Variants in CYREN observed in about 807,000 individuals in gnomAD.
CYREN encodes the protein cell cycle regulator of non-homologous end joining.
CYREN carries 7 observed loss-of-function variants against 9.7 expected under a neutral mutation model. The observed-to-expected ratio is 0.72, with a 90% CI of 0.41 to 1.36. CYREN has a LOEUF of 1.36. Ranked by LOEUF, CYREN falls within the 40% of genes most tolerant of loss-of-function variation. The pLI is 0.01. For synonymous variants in CYREN, 76 were observed against 77.9 expected, an observed-to-expected ratio of 0.98 and a Z score of 0.13; for missense variants, 215 against 198.1, an observed-to-expected ratio of 1.09 and a Z score of -0.51.
intron 2 of CYREN, chr7:135,148,396 G>A (rs1829592970): frequency 3.2e-6 from 1 of 311,524 alleles, no homozygotes; most frequent in Non-Finnish European, 6.2e-6. Context: ...TGGTTGTTCA[G>A]TATCTGTGAC....
chr7:135,165,496 C>T (rs1830074673), downstream of CYREN: 1 of 169,924 alleles, frequency 5.9e-6, no homozygotes, highest in Non-Finnish European at 1.4e-5. Flanking sequence ...GAGTGGGCCG[C>T]CATAAGCCAT....
At chr7:135,164,599 G>C (rs376965612), downstream of CYREN, 5 of 1,614,134 alleles carry the variant, frequency 3.1e-6, no homozygotes, top group Non-Finnish European at 4.2e-6. Context: ...TATAACTTCT[G>C]CCTGTGGAAT....
upstream of CYREN, among the ~76,000 whole-genome samples, chr7:135,171,535 CCT>C (rs77570651): frequency 0.48 from 73,023 of 151,850 alleles, 17,841 homozygotes; most frequent in South Asian, 0.65. Flanking sequence ...GCATGCAGCC[CCT>C]GTCACGTACC....
chr7:135,144,596 C>CA (rs969730324), intron 2 of CYREN, among the ~76,000 whole-genome samples: 10 of 150,056 alleles, frequency 6.7e-5, no homozygotes, highest in African/African-American at 2.0e-4. Flanking sequence ...GGAGTAAAAA[C>CA]AAAAAAAAGA....
At chr7:135,106,670 T>C (rs567778170) in intron 2 of CYREN, among the ~76,000 whole-genome samples, 3 of 152,266 alleles carry the variant, frequency 2.0e-5, no homozygotes, top group Non-Finnish European at 2.9e-5. Flanking sequence ...TGGCCTGAAG[T>C]TTTCTTTTAT....
In CYREN at chr7:135,109,730, C is replaced by T. The variant is rs576824852; in HGVS notation, n.357-15148G>A. Among the ~76,000 whole-genome samples the T allele has an allele frequency of 3.9e-5, 6 of 152,304 alleles. No individual in the cohort carries two copies. The South Asian group carries it at 1.0e-3, about 26-fold the overall frequency. ...CAGTGAAGAGAAATGGGATCCAGTG[C>T]CTGTGTGAAAAAGCAGTCTGACCAC... On this transcript the variant is annotated intron_variant and non_coding_transcript_variant, in intron 2 of 2. Transcript: ENST00000459937.
chr7:135,123,503 G>T (rs1178250553), intron 2 of CYREN, among the ~76,000 whole-genome samples: 1 of 152,130 alleles, frequency 6.6e-6, no homozygotes, highest in African/African-American at 2.4e-5. Flanking sequence ...CTCCAACCTC[G>T]CAAGACAGGC....
At chr7:135,124,206 A>G (rs1827534218) in intron 2 of CYREN, among the ~76,000 whole-genome samples, 4 of 141,308 alleles carry the variant, frequency 2.8e-5, no homozygotes, top group Admixed American at 2.2e-4. Context: ...AAAATTTACC[A>G]AGCAAATGGA....
chr7:135,143,000 C>G (rs1029853024), intron 2 of CYREN, among the ~76,000 whole-genome samples: 1 of 152,050 alleles, frequency 6.6e-6, no homozygotes, highest in African/African-American at 2.4e-5. Context: ...CCAGAATAGC[C>G]AACACAGTAT....
chr7:135,168,015 C>T (rs955075569), intron 2 of CYREN: 26 of 784,806 alleles, frequency 3.3e-5, no homozygotes, highest in Middle Eastern at 3.9e-4. Flanking sequence ...GAGGCAACAC[C>T]GGGGTGCCTC....
intron 2 of CYREN, among the ~76,000 whole-genome samples, chr7:135,120,417 T>C (rs1254800150): frequency 6.6e-6 from 1 of 152,172 alleles, no homozygotes; most frequent in Non-Finnish European, 1.5e-5. Context: ...AAGTTATGCA[T>C]ATGTAGTATA....
chr7:135,146,430 G>T (rs556434483), intron 2 of CYREN, among the ~76,000 whole-genome samples: 39 of 152,204 alleles, frequency 2.6e-4, no homozygotes, highest in African/African-American at 8.9e-4. Context: ...GAGACATGAA[G>T]TGAGCAAAGG....
Position 135,141,010 on chromosome 7 carries a change from A to C in CYREN, n.356+27739T>G, listed in dbSNP as rs1434802503. Among the ~76,000 whole-genome samples, 6 of 152,032 alleles carry C rather than the reference A, an allele frequency of 3.9e-5. No homozygotes were observed. The East Asian group carries it at 1.2e-3, about 29-fold the overall frequency. On this transcript the variant is annotated intron_variant and non_coding_transcript_variant, in intron 2 of 2. Transcript: ENST00000459937. The stretch of plus-strand genomic sequence containing the variant: ...TATGTTCATCAAGGATATTGACCTG[A>C]AGTTTTCTTTTTTTCATTGTGCCTC...
chr7:135,126,087 A>G (rs954328012), intron 2 of CYREN, among the ~76,000 whole-genome samples: 1 of 152,216 alleles, frequency 6.6e-6, no homozygotes, highest in African/African-American at 2.4e-5. Flanking sequence ...TCAAACAGGA[A>G]GAGAGGAAGT....
upstream of CYREN, among the ~76,000 whole-genome samples, chr7:135,171,930 G>C (rs532726520): frequency 4.6e-5 from 7 of 152,260 alleles, no homozygotes; most frequent in African/African-American, 4.8e-5. Flanking sequence ...GCTGAACACC[G>C]GGAAGGAACT....
chr7:135,153,548 G>A (rs1353802807), intron 2 of CYREN, among the ~76,000 whole-genome samples: 1 of 152,076 alleles, frequency 6.6e-6, no homozygotes, highest in Non-Finnish European at 1.5e-5. Context: ...CATTGTTGGT[G>A]GGAATGTAAA....
intron 2 of CYREN, among the ~76,000 whole-genome samples, chr7:135,102,213 T>C (rs892325074): frequency 2.0e-5 from 3 of 152,188 alleles, no homozygotes; most frequent in Non-Finnish European, 4.4e-5. Context: ...AAATCTGTGA[T>C]TACTTAAATA....
chr7:135,164,053 C>T (rs937779406), downstream of CYREN, among the ~76,000 whole-genome samples: 3 of 152,232 alleles, frequency 2.0e-5, no homozygotes, highest in South Asian at 2.1e-4. Context: ...TCACCTCAGT[C>T]AAAACCCACC....
downstream of CYREN, chr7:135,165,138 C>A: frequency 9.6e-7 from 1 of 1,042,706 alleles, no homozygotes; most frequent in Non-Finnish European, 1.4e-6. Flanking sequence ...GCCCCTGTGT[C>A]AAAGAGGCCG....
Sources: allele counts gnomAD v4.1 joint callset (sites outside exome capture counted in the v4.1 genomes callset), GRCh38; gene constraint gnomAD v4.1.1; transcripts MANE v1.5; gene names NCBI Gene and HGNC (gene_info 2026-07-23, HGNC 2026-07-21).